Variants in TMIGD2 observed in about 807,000 individuals in gnomAD.
TMIGD2 encodes transmembrane and immunoglobulin domain-containing protein 2.
Under a neutral mutation model 22.6 loss-of-function variants are expected in TMIGD2, and 18 were observed. The ratio of observed to expected loss-of-function variants is 0.80; its 90% CI spans 0.55 to 1.18. The LOEUF is 1.18. Ranked by LOEUF, TMIGD2 falls within the 50% of genes most tolerant of loss-of-function variation. The pLI is 0.00. For missense variants in TMIGD2, 361 were observed against 378.2 expected (o/e 0.95, Z 0.38); for synonymous variants, 184 against 154.1 (o/e 1.19, Z -1.44).
chr19:4,302,230 T>C (rs1971546307), intron 1 of TMIGD2, 110 bp downstream of exon 1: 1 of 1,191,518 alleles, frequency 8.4e-7, no homozygotes, highest in Admixed American at 2.7e-5. Flanking sequence ...AGATGGGCCT[T>C]ATCTGACAGT....
chr19:4,293,555 C>T lies in TMIGD2; in HGVS notation c.563-670G>A, dbSNP rs61104210. ...GATTACATGCATGAGCCACTGCACC[C>T]GGCCAATTTTTTTTTTTTTTTAATT... On this transcript the variant is annotated intron_variant, in intron 4 of 4. Transcript: ENST00000301272. Among the ~76,000 whole-genome samples, 366 of 144,510 alleles carry T rather than the reference C, an allele frequency of 2.5e-3. 3 individuals carry two copies. Among genetic ancestry groups the T allele is most frequent in the East Asian group, 0.013 (65 of 5,060 alleles). The allele number at this position is 144,510 out of a possible 152,430, so 94.8% of individuals were successfully genotyped here.
At chr19:4,292,909 G>C in intron 4 of TMIGD2, 24 bp from the exon 5 acceptor site, 1 of 1,612,440 alleles carries the variant, frequency 6.2e-7, no homozygotes, top group Non-Finnish European at 8.5e-7. Context: ...CACAGACCAA[G>C]AGGATCACTT....
chr19:4,300,472 A>G (rs1299878088), intron 1 of TMIGD2, among the ~76,000 whole-genome samples: 6 of 132,726 alleles, frequency 4.5e-5, no homozygotes, highest in East Asian at 4.9e-4. Flanking sequence ...CGGGAGAATC[A>G]CTTGAACCCG....
chr19:4,293,088 C>T (rs1298397565), intron 4 of TMIGD2, among the ~76,000 whole-genome samples: 1 of 151,962 alleles, frequency 6.6e-6, no homozygotes, highest in African/African-American at 2.4e-5. Flanking sequence ...CTCAGCCTCC[C>T]AACTAGCTGG....
intron 2 of TMIGD2, 107 bp from the exon 3 acceptor site, chr19:4,294,923 G>T: frequency 1.7e-6 from 2 of 1,198,362 alleles, no homozygotes; most frequent in South Asian, 1.8e-5. Flanking sequence ...AGGCTTTGTG[G>T]ATTTGGGCAA....
chr19:4,295,798 A>G (rs542677756), intron 2 of TMIGD2, among the ~76,000 whole-genome samples: 1 of 152,280 alleles, frequency 6.6e-6, no homozygotes, highest in African/African-American at 2.4e-5. Flanking sequence ...TCCCCTACCC[A>G]GGCGGCAGCA....
chr19:4,297,102 A>G lies in TMIGD2; in HGVS notation c.406+884T>C, dbSNP rs748052594. On this transcript the variant is annotated intron_variant, in intron 2 of 4. Coordinates refer to ENST00000301272, the Ensembl canonical transcript of TMIGD2. ...TTTTTTTTTTTTTTTTTTGAGACAG[A>G]GTCTTGCTCTGTAGCCCAGGCTGGA... is the stretch of plus-strand genomic sequence containing the variant. Among the ~76,000 whole-genome samples the G allele has an allele frequency of 4.3e-3, 554 of 128,304 alleles. 7 individuals are homozygous for G. The highest frequency in any genetic ancestry group is 4.5e-3 in the Non-Finnish European group (281 of 62,682). The allele number at this position is 128,304 out of a possible 152,430, so 84.2% of individuals were successfully genotyped here.
intron 1 of TMIGD2, among the ~76,000 whole-genome samples, chr19:4,299,104 G>A (rs1971501573): frequency 6.6e-6 from 1 of 152,126 alleles, no homozygotes; most frequent in Non-Finnish European, 1.5e-5. Flanking sequence ...TCTATTCCTT[G>A]AGAGTAATCA....
intron 1 of TMIGD2, among the ~76,000 whole-genome samples, chr19:4,299,261 C>T (rs1216313907): frequency 6.6e-6 from 1 of 151,558 alleles, no homozygotes; most frequent in Non-Finnish European, 1.5e-5. Flanking sequence ...CCTCCTACCT[C>T]AGCCTCCCAA....
intron 2 of TMIGD2, 76 bp from the exon 3 acceptor site, chr19:4,294,892 C>T (rs1568372905): frequency 5.1e-6 from 7 of 1,368,578 alleles, no homozygotes; most frequent in Non-Finnish European, 5.8e-6. Flanking sequence ...TTGGGGGGAC[C>T]TAAGTGTTCC....
At chr19:4,292,795 C>A in exon 5 of TMIGD2, 1 of 1,612,828 alleles carries the variant, frequency 6.2e-7, no homozygotes, top group Non-Finnish European at 8.5e-7. Context: ...AATGCTCTGG[C>A]CCCTCTGGTC....
In TMIGD2 at chr19:4,294,563, T is replaced by G; in HGVS notation, c.562+4A>C. On this transcript the variant is annotated splice_donor_region_variant and intron_variant, in intron 4 of 4. Coordinates refer to ENST00000301272, the Ensembl canonical transcript of TMIGD2. ...CCCACCTCCTCCGCCCTACCCTCCC[T>G]TACCTGGGCTGTTACCTGAGTCCCT... is the stretch of plus-strand genomic sequence containing the variant. 6.2e-7 allele frequency: 1 copy of G among 1,611,428 alleles called. No individual in the cohort carries two copies. Among genetic ancestry groups the G allele is most frequent in the Non-Finnish European group, 8.5e-7 (1 of 1,178,900 alleles).
At chr19:4,302,117 G>C (rs1028912226) in intron 1 of TMIGD2, among the ~76,000 whole-genome samples, 6 of 152,120 alleles carry the variant, frequency 3.9e-5, no homozygotes, top group Non-Finnish European at 8.8e-5. Context: ...AGAGAGGCCA[G>C]GCCAGGCTGG....
chr19:4,300,284 T>G (rs1000393430), intron 1 of TMIGD2, among the ~76,000 whole-genome samples: 20 of 147,506 alleles, frequency 1.4e-4, no homozygotes, highest in Non-Finnish European at 2.8e-4. Flanking sequence ...CAAGGCCGGG[T>G]GCAGTGGCTC....
At chr19:4,300,330 G>A (rs1476053472) in intron 1 of TMIGD2, among the ~76,000 whole-genome samples, 1 of 151,478 alleles carries the variant, frequency 6.6e-6, no homozygotes, top group African/African-American at 2.4e-5. Flanking sequence ...AGGCAGAGGC[G>A]GGCGGATCAC....
intron 1 of TMIGD2, among the ~76,000 whole-genome samples, chr19:4,302,039 CAGAG>C (rs753145562): frequency 6.6e-6 from 1 of 152,104 alleles, no homozygotes; most frequent in African/African-American, 2.4e-5. Flanking sequence ...ATTGCGGAAA[CAGAG>C]AAAGAAAAGT....
At chr19:4,298,048 G>A in exon 2 of TMIGD2, 2 of 1,613,242 alleles carry the variant, frequency 1.2e-6, no homozygotes, top group Non-Finnish European at 1.7e-6. Context: ...AATCTCTACG[G>A]CCGCCCAGCA....
At chr19:4,292,949 CTG>C in intron 4 of TMIGD2, 64 bp from the exon 5 acceptor site, 6 of 1,566,950 alleles carry the variant, frequency 3.8e-6, no homozygotes, top group Non-Finnish European at 5.1e-6. Context: ...CAGCTGACCT[CTG>C]GGGGATCTGT....
exon 5 of TMIGD2, chr19:4,292,277 C>T (rs192962526): frequency 8.1e-4 from 268 of 330,234 alleles, no homozygotes; most frequent in African/African-American, 5.7e-3. Flanking sequence ...AAAGTGGGAG[C>T]GAGATCCATC....
Sources: allele counts gnomAD v4.1 joint callset (sites outside exome capture counted in the v4.1 genomes callset), GRCh38; gene constraint gnomAD v4.1.1; transcripts MANE v1.5; gene names NCBI Gene and HGNC (gene_info 2026-07-23, HGNC 2026-07-21).